The following NAV2 variants were observed in gnomAD, a reference collection of about 807,000 sequenced individuals.
The protein encoded by NAV2 is helicase, APC down-regulated 1.
A neutral mutation model predicts 223.2 loss-of-function variants in NAV2; 54 were observed. The ratio of observed to expected loss-of-function variants is 0.24; its 90% CI spans 0.19 to 0.30. NAV2 has a LOEUF of 0.30. Ranked by LOEUF, NAV2 falls within the 10% of genes least tolerant of loss-of-function variation. The pLI, the probability that NAV2 is intolerant of heterozygous loss-of-function variation, is 1.00. For synonymous variants in NAV2, 1,279 were observed against 1,239.3 expected (o/e 1.03, Z -0.67); for missense variants, 2,806 against 3,147.5 (o/e 0.89, Z 2.60).
intron 1 of NAV2, among the ~76,000 whole-genome samples, chr11:19,562,564 A>G (rs554736284): frequency 5.3e-5 from 8 of 152,202 alleles, no homozygotes; most frequent in African/African-American, 1.9e-4. Context: ...ACAGAATAGG[A>G]TTCTAAGATG....
intron 1 of NAV2, among the ~76,000 whole-genome samples, chr11:19,389,807 C>T (rs759294251): frequency 6.6e-6 from 1 of 152,186 alleles, no homozygotes; most frequent in Non-Finnish European, 1.5e-5. Flanking sequence ...TCTTGAACTT[C>T]CCTGAAATTC....
At chr11:19,902,121 G>T (rs1307426759) in intron 6 of NAV2, among the ~76,000 whole-genome samples, 1 of 152,172 alleles carries the variant, frequency 6.6e-6, no homozygotes, top group East Asian at 1.9e-4. Flanking sequence ...AAGCTGCCTA[G>T]AGAGGCACCT....
Position 19,933,166 on chromosome 11 carries a change from G to A in NAV2, c.932-10G>A. 4 of 1,514,792 alleles carry A rather than the reference G, an allele frequency of 2.6e-6. No individual in the cohort carries two copies. The highest frequency in any genetic ancestry group is 1.3e-5 in the South Asian group (1 of 74,776). The allele number at this position is 1,514,792 out of a possible 1,614,324, so 93.8% of individuals were successfully genotyped here. On this transcript the variant is annotated splice_polypyrimidine_tract_variant and intron_variant, in intron 6 of 37. Transcript: ENST00000349880. The surrounding 1 kb of genome is among the most constrained non-coding windows in gnomAD (Gnocchi z 4.3). ...GTATGATTCAGGCCTCCTCTCTTCTGTCTCTGCAGAGCCTTTGGCAAGTTC... is the reference window on the plus strand; with the variant it reads ...GTATGATTCAGGCCTCCTCTCTTCTATCTCTGCAGAGCCTTTGGCAAGTTC...
chr11:19,826,279 G>T (rs2059637115), intron 1 of NAV2, among the ~76,000 whole-genome samples: 1 of 152,176 alleles, frequency 6.6e-6, no homozygotes, highest in South Asian at 2.1e-4. Context: ...AAAAGCAACA[G>T]CAGCCCTCAA....
At chr11:19,803,850 G>A (rs1324646510) in intron 1 of NAV2, among the ~76,000 whole-genome samples, 1 of 152,138 alleles carries the variant, frequency 6.6e-6, no homozygotes, top group African/African-American at 2.4e-5. Flanking sequence ...TGTTTGACGT[G>A]TGTTTCCTCT....
In NAV2 at chr11:20,107,809, T is replaced by C. The variant is rs575980443; in HGVS notation, c.6960+27T>C. On this transcript the variant is annotated intron_variant, in intron 36 of 37. Transcript: ENST00000349880. ...TGAGAAGACACCCCTGCTGGCTTCC[T>C]TGAAGCTGAGGGGGACTGTTCTGGT... The C allele has an allele frequency of 1.1e-5, 16 of 1,498,798 alleles. 1 individual carries two copies. The South Asian group carries it at 1.5e-4, about 14-fold the overall frequency. 92.8% of individuals were successfully genotyped at this position (1,498,798 alleles called of 1,614,324 possible). A position where few individuals can be genotyped will look rare whatever the true frequency, so the allele number is the denominator to read the frequency against.
intron 19 of NAV2, among the ~76,000 whole-genome samples, chr11:20,061,716 TAAAG>T (rs978264017): frequency 1.3e-5 from 2 of 152,126 alleles, no homozygotes; most frequent in East Asian, 1.9e-4. Flanking sequence ...AGAAATCAAA[TAAAG>T]AATCTATATT....
chr11:19,982,307 G>A (rs528520853), intron 10 of NAV2, among the ~76,000 whole-genome samples: 7 of 151,162 alleles, frequency 4.6e-5, no homozygotes, highest in South Asian at 4.2e-4. Context: ...TCACTCTGTC[G>A]CCCAGGCTGG....
chr11:19,707,388 C>T (rs2049696893), intron 1 of NAV2, among the ~76,000 whole-genome samples: 1 of 152,028 alleles, frequency 6.6e-6, no homozygotes, highest in South Asian at 2.1e-4. Flanking sequence ...AAGCTTTTTT[C>T]TATTAGTTAT....
intron 1 of NAV2, among the ~76,000 whole-genome samples, chr11:19,374,323 T>TGTTTTTTTTTTTTTTG (rs1253329073): frequency 1.1e-4 from 16 of 148,750 alleles, no homozygotes; most frequent in African/African-American, 2.8e-4. Flanking sequence ...TTTTTTTTTT[T>TGTTTTTTTTTTTTTTG]TTTTTTTTTT....
intron 1 of NAV2, among the ~76,000 whole-genome samples, chr11:19,831,275 AT>A: frequency 9.7e-6 from 1 of 102,680 alleles, no homozygotes. Context: ...ATTGTGTGGG[AT>A]TACACTGGGA....
chr11:19,777,050 G>A (rs1193297955), intron 1 of NAV2, among the ~76,000 whole-genome samples: 3 of 151,648 alleles, frequency 2.0e-5, no homozygotes, highest in Non-Finnish European at 4.4e-5. Flanking sequence ...CACGCGGGGC[G>A]GCCCGCGGGC....
intron 19 of NAV2, chr11:20,056,486 G>C: frequency 7.7e-7 from 1 of 1,305,620 alleles, no homozygotes; most frequent in Non-Finnish European, 1.1e-6. Flanking sequence ...TGCTAACTGA[G>C]AATATTTGGG....
At chr11:20,107,952 C>T (rs2062286683) in intron 36 of NAV2, among the ~76,000 whole-genome samples, 170 bp downstream of exon 36, 1 of 152,074 alleles carries the variant, frequency 6.6e-6, no homozygotes, top group Non-Finnish European at 1.5e-5. Flanking sequence ...GCTGCAAGTC[C>T]TGGCTCTTCC....
intron 12 of NAV2, among the ~76,000 whole-genome samples, chr11:20,043,459 C>CT (rs2057137486): frequency 6.6e-6 from 1 of 151,954 alleles, no homozygotes; most frequent in Admixed American, 6.6e-5. Flanking sequence ...TTCTTTTCTT[C>CT]TTTTTTGAGA....
chr11:19,706,193 C>T (rs1176648658), intron 1 of NAV2, among the ~76,000 whole-genome samples: 4 of 152,264 alleles, frequency 2.6e-5, no homozygotes, highest in Non-Finnish European at 5.9e-5. Context: ...AAATAAGAAT[C>T]CTTTTCTTCT....
At chr11:19,535,219 G>A (rs545803499) in intron 1 of NAV2, among the ~76,000 whole-genome samples, 27 of 152,310 alleles carry the variant, frequency 1.8e-4, no homozygotes, top group Admixed American at 1.7e-3. Flanking sequence ...CTGCTGGAAT[G>A]GAAAGAGAGG....
At chr11:19,576,525 A>C (rs889041123) in intron 1 of NAV2, among the ~76,000 whole-genome samples, 8 of 152,184 alleles carry the variant, frequency 5.3e-5, no homozygotes, top group Admixed American at 2.0e-4. Context: ...ATATTGAGAT[A>C]GTTATTTGGG....
chr11:19,484,210 A>G (rs2042371177), intron 1 of NAV2, among the ~76,000 whole-genome samples: 1 of 151,738 alleles, frequency 6.6e-6, no homozygotes, highest in African/African-American at 2.4e-5. Flanking sequence ...ATGTTAATTA[A>G]AGCCTGGCTC....
Sources: gnomAD v4.1 joint callset for allele counts (sites outside exome capture counted in the v4.1 genomes callset) on GRCh38, gnomAD v4.1.1 for gene constraint, Gnocchi (gnomAD v3.1) non-coding constraint, MANE v1.5 for transcripts, NCBI Gene and HGNC (gene_info 2026-07-23, HGNC 2026-07-21) for gene names.